Variants in PRKD1 observed in about 807,000 individuals in gnomAD.
The protein encoded by PRKD1 is protein kinase D1.
PRKD1 carries 63 observed loss-of-function variants against 95.9 expected under a neutral mutation model. The ratio of observed to expected loss-of-function variants is 0.66; its 90% confidence interval spans 0.54 to 0.81. The LOEUF (loss-of-function observed/expected upper bound fraction) is 0.81, where lower values mean the gene tolerates loss of function less well. Ranked by LOEUF, PRKD1 falls within the 30% of genes least tolerant of loss-of-function variation. PRKD1 has a pLI of 0.00. For missense variants in PRKD1, 1,048 were observed against 1,165.3 expected (o/e 0.90, Z 1.47); for synonymous variants, 425 against 423.1 (o/e 1.00, Z -0.05).
At chr14:29,810,216 A>C (rs545814874) in intron 1 of PRKD1, among the ~76,000 whole-genome samples, 5 of 152,348 alleles carry the variant, frequency 3.3e-5, no homozygotes, top group Non-Finnish European at 7.3e-5. Context: ...GATAATTACC[A>C]AAACATGACA....
At chr14:29,779,540 G>T (rs1204259636) in intron 1 of PRKD1, among the ~76,000 whole-genome samples, 6 of 152,052 alleles carry the variant, frequency 3.9e-5, no homozygotes, top group African/African-American at 1.4e-4. Context: ...ATTCACAATT[G>T]CTTCAAAGAG....
At chr14:29,807,021 T>TA (rs1366304869) in intron 1 of PRKD1, among the ~76,000 whole-genome samples, 2 of 152,136 alleles carry the variant, frequency 1.3e-5, no homozygotes, top group East Asian at 3.9e-4. Flanking sequence ...CATTATGTCT[T>TA]AAAAAATGCA....
intron 11 of PRKD1, 100 bp downstream of exon 11, chr14:29,628,941 T>C (rs1393157527): frequency 8.1e-6 from 7 of 861,374 alleles, no homozygotes; most frequent in Non-Finnish European, 1.2e-5. Context: ...CTTTCCAAAA[T>C]TTACTAAAAA....
chr14:29,725,715 C>T (rs758159916), intron 1 of PRKD1, 41 bp from the exon 2 acceptor site: 1 of 1,587,396 alleles, frequency 6.3e-7, no homozygotes, highest in East Asian at 2.3e-5. Flanking sequence ...TGTCAAAATC[C>T]TTCCAAATAT....
At chr14:29,675,755 T>C (rs1167209672) in intron 2 of PRKD1, among the ~76,000 whole-genome samples, 2 of 151,662 alleles carry the variant, frequency 1.3e-5, no homozygotes, top group African/African-American at 2.4e-5. Flanking sequence ...ATAGACTGGA[T>C]TAAGAAAATG....
intron 16 of PRKD1, among the ~76,000 whole-genome samples, chr14:29,590,466 C>T (rs1329512980): frequency 6.6e-6 from 1 of 152,162 alleles, no homozygotes; most frequent in African/African-American, 2.4e-5. Flanking sequence ...CTCATTCACT[C>T]TGACAGAATC....
intron 1 of PRKD1, among the ~76,000 whole-genome samples, chr14:29,728,256 A>T (rs948990627): frequency 6.6e-6 from 1 of 152,236 alleles, no homozygotes; most frequent in Non-Finnish European, 1.5e-5. Flanking sequence ...AAAACAATGG[A>T]TACCTCATGC....
At chr14:29,635,935 T>C (rs45608040) in intron 7 of PRKD1, among the ~76,000 whole-genome samples, 1 of 152,302 alleles carries the variant, frequency 6.6e-6, no homozygotes, top group Non-Finnish European at 1.5e-5. Context: ...AAATAGATGA[T>C]TTCTGCTGAG....
intron 2 of PRKD1, among the ~76,000 whole-genome samples, chr14:29,702,050 TTA>T (rs748106410): frequency 1.3e-5 from 2 of 152,164 alleles, no homozygotes; most frequent in Non-Finnish European, 2.9e-5. Context: ...ACTAAAATGT[TTA>T]TGTTATTGAA....
At chr14:29,645,078 C>T (rs1049553258) in intron 4 of PRKD1, among the ~76,000 whole-genome samples, 3 of 152,070 alleles carry the variant, frequency 2.0e-5, no homozygotes, top group East Asian at 1.9e-4. Flanking sequence ...ACAATGATTC[C>T]TTTCTCCTTA....
At chr14:29,847,269 G>GA (rs753197850) in intron 1 of PRKD1, among the ~76,000 whole-genome samples, 2 of 152,098 alleles carry the variant, frequency 1.3e-5, no homozygotes, top group South Asian at 2.1e-4. Context: ...TGTATAAATG[G>GA]AAAAAACAAG....
rs1277702907 is a variant in PRKD1, at chr14:29,826,742, TAC to T, written c.264+100505_264+100506del. The stretch of plus-strand genomic sequence containing the variant: ...ATATACATATATATACACATATATA[TAC>T]ACATATATATATACATATATATATA... On this transcript the variant is annotated intron_variant, in intron 1 of 17. Coordinates refer to ENST00000331968, the MANE Select transcript of PRKD1 (RefSeq NM_002742.3). 2.3e-3 allele frequency among the ~76,000 whole-genome samples: 150 copies of T among 64,484 alleles called. 10 individuals carry two copies. The highest frequency in any genetic ancestry group is 7.7e-3 in the African/African-American group (117 of 15,222). 42.3% of individuals were successfully genotyped at this position (64,484 alleles called of 152,430 possible).
intron 13 of PRKD1, among the ~76,000 whole-genome samples, chr14:29,605,882 C>G (rs996178295): frequency 2.2e-4 from 33 of 152,204 alleles, no homozygotes; most frequent in Non-Finnish European, 4.4e-5. Context: ...GCATCAAGTA[C>G]GATATATAGT....
intron 4 of PRKD1, among the ~76,000 whole-genome samples, chr14:29,656,299 C>A (rs1881831953): frequency 6.6e-6 from 1 of 152,128 alleles, no homozygotes; most frequent in South Asian, 2.1e-4. Flanking sequence ...CATAACAGGA[C>A]AAAAGCAAGG....
At chr14:29,920,289 A>G (rs1895056544) in intron 1 of PRKD1, among the ~76,000 whole-genome samples, 1 of 152,158 alleles carries the variant, frequency 6.6e-6, no homozygotes, top group Non-Finnish European at 1.5e-5. Context: ...AAAGATGAGT[A>G]GTATCTTTTA....
In PRKD1 at chr14:29,673,967, T is replaced by A. The variant is rs533552419; in HGVS notation, c.404-7759A>T. Among the ~76,000 whole-genome samples the A allele has an allele frequency of 1.3e-3, 202 of 152,224 alleles. 1 individual carries two copies. The highest frequency in any genetic ancestry group is 4.3e-3 in the African/African-American group (178 of 41,532). On this transcript the variant is annotated intron_variant, in intron 2 of 17. Coordinates refer to ENST00000331968, the MANE Select transcript of PRKD1 (RefSeq NM_002742.3). ...TACTTCACCTCTCTGAACCTCAGTGTCCCTTTCTATAAAATGGGCTTCGTG... is the reference window on the plus strand; with the variant it reads ...TACTTCACCTCTCTGAACCTCAGTGACCCTTTCTATAAAATGGGCTTCGTG...
At chr14:29,738,617 G>A (rs1391751605) in intron 1 of PRKD1, among the ~76,000 whole-genome samples, 1 of 151,774 alleles carries the variant, frequency 6.6e-6, no homozygotes, top group East Asian at 1.9e-4. Context: ...GTTATTTTCT[G>A]AGCCACGGGC....
At chr14:29,660,383 G>A (rs1019641369) in intron 4 of PRKD1, among the ~76,000 whole-genome samples, 1 of 152,130 alleles carries the variant, frequency 6.6e-6, no homozygotes, top group East Asian at 1.9e-4. Context: ...CATCAGGGGT[G>A]CTCAACCTCA....
intron 1 of PRKD1, among the ~76,000 whole-genome samples, chr14:29,852,921 C>T (rs1892362613): frequency 6.6e-6 from 1 of 152,080 alleles, no homozygotes; most frequent in Admixed American, 6.6e-5. Context: ...ATCAAACTCT[C>T]CAATCAAAAA....
Sources: allele counts gnomAD v4.1 joint callset (sites outside exome capture counted in the v4.1 genomes callset), GRCh38; gene constraint gnomAD v4.1.1; transcripts MANE v1.5; gene names NCBI Gene and HGNC (gene_info 2026-07-23, HGNC 2026-07-21).